Variants in CACNA2D3 observed in about 807,000 individuals in gnomAD.
The protein encoded by CACNA2D3 is voltage-dependent calcium channel subunit alpha-2/delta-3.
In CACNA2D3, 60 loss-of-function variants were observed where a neutral mutation model predicts 160.6. The ratio of observed to expected loss-of-function variants is 0.37; its 90% CI spans 0.30 to 0.46. The LOEUF (loss-of-function observed/expected upper bound fraction) is 0.46, where lower values mean the gene tolerates loss of function less well. CACNA2D3 is among the 20% of genes least tolerant of loss of function. CACNA2D3 has a pLI of 1.00. For missense variants in CACNA2D3, 1,205 were observed against 1,365.0 expected, an observed-to-expected ratio of 0.88 and a Z score of 1.85; for synonymous variants, 558 against 492.9, an observed-to-expected ratio of 1.13 and a Z score of -1.75.
chr3:54,706,449 C>G (rs953825211), intron 11 of CACNA2D3, among the ~76,000 whole-genome samples: 15 of 152,170 alleles, frequency 9.9e-5, no homozygotes, highest in African/African-American at 3.6e-4. Context: ...CAGGAACATC[C>G]TTTAGAATGC....
intron 27 of CACNA2D3, among the ~76,000 whole-genome samples, chr3:54,950,699 C>T (rs1559642270): frequency 1.3e-5 from 2 of 152,234 alleles, no homozygotes; most frequent in South Asian, 2.1e-4. Flanking sequence ...GAAAGGAACC[C>T]GTTCTTTTAC....
intron 9 of CACNA2D3, among the ~76,000 whole-genome samples, chr3:54,591,567 GT>G (rs397755008): frequency 0.022 from 2,639 of 121,328 alleles, 48 homozygotes; most frequent in African/African-American, 0.057. Context: ...GTTGAAAAAA[GT>G]TTTTTTTTTT....
intron 27 of CACNA2D3, among the ~76,000 whole-genome samples, chr3:54,912,496 C>T (rs920778161): frequency 3.9e-5 from 6 of 152,120 alleles, no homozygotes; most frequent in African/African-American, 1.4e-4. Flanking sequence ...TTCAGTCACA[C>T]CAACCTTGCT....
At chr3:54,778,174 T>A (rs1260381496) in intron 13 of CACNA2D3, among the ~76,000 whole-genome samples, 1 of 152,030 alleles carries the variant, frequency 6.6e-6, no homozygotes, top group African/African-American at 2.4e-5. Context: ...GCTACACACT[T>A]TTAAACAACC....
At chr3:54,317,367 A>G (rs1252079837) in intron 2 of CACNA2D3, among the ~76,000 whole-genome samples, 1 of 152,130 alleles carries the variant, frequency 6.6e-6, no homozygotes, top group African/African-American at 2.4e-5. Flanking sequence ...AGATTATCAT[A>G]GATTGGGTAA....
At chr3:54,901,319 A>G (rs1370825327) in intron 27 of CACNA2D3, 5 of 152,214 alleles carry the variant, frequency 3.3e-5, no homozygotes. Context: ...TTTAGTCATC[A>G]TGAAGGATGA....
intron 9 of CACNA2D3, among the ~76,000 whole-genome samples, chr3:54,603,014 A>C (rs1196089790): frequency 6.6e-6 from 1 of 152,200 alleles, no homozygotes; most frequent in Non-Finnish European, 1.5e-5. Context: ...CGTTGTCTAA[A>C]GCTGGAGGGT....
chr3:55,061,814 C>T (rs922162156), intron 35 of CACNA2D3, among the ~76,000 whole-genome samples: 3 of 152,160 alleles, frequency 2.0e-5, no homozygotes, highest in Admixed American at 6.5e-5. Flanking sequence ...TGTACCAATC[C>T]GCTTAGGTCT....
chr3:54,315,996 G>GA (rs201361398), intron 2 of CACNA2D3, among the ~76,000 whole-genome samples: 2 of 151,850 alleles, frequency 1.3e-5, no homozygotes. Context: ...AAAGAAGAAA[G>GA]AAAAAAAATC....
chr3:54,949,670 T>G (rs1441010402), intron 27 of CACNA2D3, among the ~76,000 whole-genome samples: 1 of 152,196 alleles, frequency 6.6e-6, no homozygotes, highest in Non-Finnish European at 1.5e-5. Flanking sequence ...AACAGTAACC[T>G]GAAAAACCGC....
intron 27 of CACNA2D3, among the ~76,000 whole-genome samples, chr3:54,953,546 C>T (rs1701809498): frequency 6.6e-6 from 1 of 152,192 alleles, no homozygotes; most frequent in African/African-American, 2.4e-5. Flanking sequence ...GTCATTACAA[C>T]AAGGCCTCAG....
chr3:54,148,841 G>A (rs997329708), intron 2 of CACNA2D3, among the ~76,000 whole-genome samples: 1 of 152,092 alleles, frequency 6.6e-6, no homozygotes, highest in Non-Finnish European at 1.5e-5. Context: ...GCCGGGTGTG[G>A]TGGTGGGCAT....
intron 11 of CACNA2D3, among the ~76,000 whole-genome samples, chr3:54,675,741 CAAAG>C (rs1319853049): frequency 6.6e-6 from 1 of 152,148 alleles, no homozygotes; most frequent in Admixed American, 6.5e-5. Context: ...TCTCAACAGT[CAAAG>C]AAGTTTCGGA....
chr3:54,398,112 C>G lies in CACNA2D3; in HGVS notation c.381+11338C>G, dbSNP rs1159036530. Among the ~76,000 whole-genome samples the G allele has an allele frequency of 8.7e-4, 59 of 67,754 alleles. 1 individual carries two copies. Among genetic ancestry groups the G allele is most frequent in the African/African-American group, 3.4e-3 (57 of 16,794 alleles). 44.4% of individuals were successfully genotyped at this position (67,754 alleles called of 152,430 possible). A position where few individuals can be genotyped will look rare whatever the true frequency, so the allele number is the denominator to read the frequency against. On this transcript the variant is annotated intron_variant, in intron 4 of 37. Transcript: ENST00000474759. ...CTTTTGATCTTTGTTGGTTTAAAGT[C>G]TGTTTTATCAGAGACTAGGATTGCA...
At position 54,976,349 on chromosome 3, in the gene CACNA2D3, G is replaced by T. The variant is rs138210462; in HGVS notation, c.2556+6505G>T. ...CCTGTTGTGGGGTGGGGGGAGGGGG[G>T]AGAGATAGCATTGGGAGATATACCT... On this transcript the variant is annotated intron_variant, in intron 29 of 37. Transcript: ENST00000474759. Among the ~76,000 whole-genome samples the T allele has an allele frequency of 3.2e-3, 474 of 148,448 alleles. 3 individuals carry two copies. Among genetic ancestry groups the T allele is most frequent in the East Asian group, 0.027 (131 of 4,862 alleles).
At chr3:54,308,432 C>T (rs184407699) in intron 2 of CACNA2D3, among the ~76,000 whole-genome samples, 2 of 152,250 alleles carry the variant, frequency 1.3e-5, no homozygotes, top group East Asian at 3.9e-4. Context: ...ACTCCCTCTC[C>T]CCCAATCGGC....
intron 11 of CACNA2D3, among the ~76,000 whole-genome samples, chr3:54,673,507 G>A (rs1373725994): frequency 6.6e-6 from 1 of 152,250 alleles, no homozygotes; most frequent in Middle Eastern, 3.4e-3. Flanking sequence ...ATGATTTTCA[G>A]GATCCATTTT....
intron 13 of CACNA2D3, among the ~76,000 whole-genome samples, chr3:54,765,619 G>T (rs1015573191): frequency 6.6e-6 from 1 of 152,180 alleles, no homozygotes; most frequent in Non-Finnish European, 1.5e-5. Context: ...AGGAGGAGGA[G>T]TGTGGCTAGC....
At chr3:54,777,154 C>G (rs1702440207) in intron 13 of CACNA2D3, among the ~76,000 whole-genome samples, 2 of 152,254 alleles carry the variant, frequency 1.3e-5, no homozygotes. Context: ...ATTCTTTCAC[C>G]TTTACTCCAA....
Sources: gnomAD v4.1 joint callset for allele counts (sites outside exome capture counted in the v4.1 genomes callset) on GRCh38, gnomAD v4.1.1 for gene constraint, MANE v1.5 for transcripts, NCBI Gene and HGNC (gene_info 2026-07-23, HGNC 2026-07-21) for gene names.